NBAS: variants seen among roughly 807,000 people sequenced by gnomAD.
NBAS encodes the protein NAG/BC035112 fusion.
A neutral mutation model predicts 302.5 loss-of-function variants in NBAS; 219 were observed. The ratio of observed to expected loss-of-function variants is 0.72; its 90% CI spans 0.65 to 0.81. NBAS has a LOEUF of 0.81. NBAS is among the 30% of genes least tolerant of loss of function. The probability of loss-of-function intolerance (pLI) is 0.00; values close to 1 mark genes in which losing one functional copy is unlikely to be tolerated. For synonymous variants in NBAS, 1,118 were observed against 1,021.6 expected, an observed-to-expected ratio of 1.09 and a Z score of -1.80; for missense variants, 2,932 against 2,841.6, an observed-to-expected ratio of 1.03 and a Z score of -0.72.
intron 21 of NBAS, among the ~76,000 whole-genome samples, chr2:15,457,323 A>C (rs1679292057): frequency 6.6e-6 from 1 of 152,244 alleles, no homozygotes; most frequent in Non-Finnish European, 1.5e-5. Flanking sequence ...GAGGAGTCAA[A>C]GAAAAGAGCA....
At chr2:15,399,152 T>A (rs1457309147) in intron 26 of NBAS, among the ~76,000 whole-genome samples, 6 of 152,166 alleles carry the variant, frequency 3.9e-5, no homozygotes, top group Non-Finnish European at 1.5e-5. Context: ...TTGACCTTAG[T>A]GGAAAACAAA....
chr2:15,210,019 T>G (rs1238337681), intron 48 of NBAS, among the ~76,000 whole-genome samples: 1 of 152,038 alleles, frequency 6.6e-6, no homozygotes, highest in African/African-American at 2.4e-5. Context: ...ACTATGAAAT[T>G]AGTAAAAGGA....
chr2:15,389,832 C>T (rs1194392670), intron 28 of NBAS, among the ~76,000 whole-genome samples: 1 of 152,192 alleles, frequency 6.6e-6, no homozygotes. Flanking sequence ...GATCATGGCT[C>T]ACTGCTGAGA....
At chr2:15,415,747 A>C in intron 24 of NBAS, 28 bp from the exon 25 acceptor site, 4 of 1,613,180 alleles carry the variant, frequency 2.5e-6, no homozygotes, top group Non-Finnish European at 2.5e-6. Flanking sequence ...CAAAACAGAC[A>C]AACAAGAATG....
chr2:15,350,873 A>C (rs890746424), intron 35 of NBAS, among the ~76,000 whole-genome samples: 2 of 152,254 alleles, frequency 1.3e-5, no homozygotes, highest in East Asian at 3.8e-4. Flanking sequence ...GTAACTAGCA[A>C]TCCTGTACAC....
chr2:15,158,901 C>G, the NBAS span, among the ~76,000 whole-genome samples: 1 of 152,136 alleles, frequency 6.6e-6, no homozygotes, highest in Admixed American at 6.5e-5. Context: ...TTCCAGAGGC[C>G]CCCTGCACCC....
chr2:14,855,260 C>A, the NBAS span, among the ~76,000 whole-genome samples: 1 of 152,054 alleles, frequency 6.6e-6, no homozygotes, highest in Non-Finnish European at 1.5e-5. Flanking sequence ...CAATGAATAA[C>A]CAGCAGCAAT....
intron 26 of NBAS, among the ~76,000 whole-genome samples, chr2:15,400,540 A>G (rs1356415476): frequency 1.3e-5 from 2 of 152,136 alleles, no homozygotes; most frequent in Non-Finnish European, 1.5e-5. Flanking sequence ...AAAAAATAAC[A>G]ACACGAGCAT....
intron 9 of NBAS, among the ~76,000 whole-genome samples, chr2:15,528,295 A>G (rs1474441596): frequency 6.6e-6 from 1 of 151,816 alleles, no homozygotes; most frequent in Non-Finnish European, 1.5e-5. Context: ...ACATCACTGT[A>G]TCTGCATCCC....
chr2:14,974,950 A>G, the NBAS span, among the ~76,000 whole-genome samples: 3 of 152,204 alleles, frequency 2.0e-5, no homozygotes, highest in African/African-American at 4.8e-5. Flanking sequence ...TCAAAGCACA[A>G]GAAGAATTCA....
chr2:15,468,621 C>T, intron 16 of NBAS, 88 bp from the exon 17 acceptor site: 2 of 1,453,060 alleles, frequency 1.4e-6, no homozygotes, highest in Non-Finnish European at 1.9e-6. Flanking sequence ...TAAAGCTATA[C>T]CTGATGTATT....
chr2:15,511,174 G>T, intron 10 of NBAS, 38 bp downstream of exon 10: 1 of 1,612,754 alleles, frequency 6.2e-7, no homozygotes, highest in Non-Finnish European at 8.5e-7. Context: ...ACAGTGAAAT[G>T]ACACATAGCA....
At chr2:14,869,996 T>C in the NBAS span, among the ~76,000 whole-genome samples, 1 of 152,252 alleles carries the variant, frequency 6.6e-6, no homozygotes, top group Non-Finnish European at 1.5e-5. Flanking sequence ...TAACAAAAAC[T>C]GGGTTTACTT....
intron 51 of NBAS, among the ~76,000 whole-genome samples, chr2:15,171,436 ATTG>A: frequency 6.6e-6 from 1 of 152,288 alleles, no homozygotes. Flanking sequence ...GAATTTTTAA[ATTG>A]TTTTTTACAT....
rs755874026 is a variant in NBAS at position 15,489,021 on chromosome 2, T to A, written c.956A>T (p.Asp319Val). ...KFYSRQGQEQDGIFKMSLSPD... is the reference protein window; with the variant it reads ...KFYSRQGQEQVGIFKMSLSPD... ...AGAAAGGCTCATCTTAAAAATTCCA[T>A]CCTAAATAAGAATCATAAGGTCAGG... Residue 319 changes from aspartate (D) to valine (V), a missense_variant and splice_region_variant, in exon 12 of 52, where the codon GAT (aspartate) becomes GTT (valine). Asp to Val is a radical substitution (Grantham distance 152). Coordinates refer to ENST00000281513, the MANE Select transcript of NBAS (RefSeq NM_015909.4). 1 of 1,613,304 alleles carries A rather than the reference T, an allele frequency of 6.2e-7. No individual in the cohort carries two copies. The highest frequency in any genetic ancestry group is 2.2e-5 in the East Asian group (1 of 44,800).
chr2:15,167,034 GC>G lies in NBAS; in HGVS notation c.*13del. ...GATGCTTTTTCTGCTAAGGAGCAGG[GC>G]CACAGGTGGCCCTCACACCCAGTGC... On this transcript the variant is annotated 3_prime_UTR_variant, in exon 52 of 52. Transcript: ENST00000281513. 1 of 1,529,090 alleles carries G rather than the reference GC, an allele frequency of 6.5e-7. No homozygotes were observed. Among genetic ancestry groups the G allele is most frequent in the Non-Finnish European group, 8.8e-7 (1 of 1,137,794 alleles). The allele number at this position is 1,529,090 out of a possible 1,614,324, so 94.7% of individuals were successfully genotyped here.
the NBAS span, among the ~76,000 whole-genome samples, chr2:15,093,684 A>T: frequency 2.0e-5 from 3 of 152,166 alleles, no homozygotes; most frequent in Non-Finnish European, 4.4e-5. Flanking sequence ...AAAGTAAATT[A>T]TGTCCAACAC....
the NBAS span, among the ~76,000 whole-genome samples, chr2:14,821,686 CAA>C: frequency 5.3e-5 from 8 of 151,974 alleles, no homozygotes; most frequent in Middle Eastern, 3.4e-3. Flanking sequence ...AGGACTCCAG[CAA>C]AAAAGTCTGC....
At chr2:14,984,234 G>A in the NBAS span, among the ~76,000 whole-genome samples, 4 of 151,950 alleles carry the variant, frequency 2.6e-5, no homozygotes, top group African/African-American at 7.2e-5. Context: ...TTAACTCCAC[G>A]CCCTGACTTT....
Sources: allele counts gnomAD v4.1 joint callset (sites outside exome capture counted in the v4.1 genomes callset), GRCh38; gene constraint gnomAD v4.1.1; transcripts MANE v1.5; gene names NCBI Gene and HGNC (gene_info 2026-07-23, HGNC 2026-07-21).